Variants in KCNB2 observed in about 807,000 individuals in gnomAD.
KCNB2 encodes potassium voltage-gated channel subfamily B member 2.
In KCNB2, 15 loss-of-function variants were observed where a neutral mutation model predicts 61.5. The ratio of observed to expected loss-of-function variants is 0.24; its 90% CI spans 0.16 to 0.38. KCNB2 has a LOEUF of 0.38. KCNB2 is among the 10% of genes least tolerant of loss of function. The pLI, the probability that KCNB2 is intolerant of heterozygous loss-of-function variation, is 1.00. For synonymous variants in KCNB2, 457 were observed against 446.0 expected, an observed-to-expected ratio of 1.02 and a Z score of -0.31; for missense variants, 828 against 1,125.2, an observed-to-expected ratio of 0.74 and a Z score of 3.78.
intron 2 of KCNB2, among the ~76,000 whole-genome samples, chr8:72,601,732 C>CT (rs1370519993): frequency 6.6e-6 from 1 of 152,148 alleles, no homozygotes; most frequent in Non-Finnish European, 1.5e-5. Flanking sequence ...TAAGTCTAAA[C>CT]TCTTGAAATA....
At chr8:72,615,405 C>T (rs753304958) in intron 2 of KCNB2, among the ~76,000 whole-genome samples, 14 of 152,174 alleles carry the variant, frequency 9.2e-5, no homozygotes, top group Non-Finnish European at 1.5e-4. Flanking sequence ...TGCCTTTAAT[C>T]CTCTGTAGTT....
At chr8:72,772,367 C>T (rs185401489) in intron 2 of KCNB2, among the ~76,000 whole-genome samples, 1 of 152,336 alleles carries the variant, frequency 6.6e-6, no homozygotes, top group Admixed American at 6.5e-5. Context: ...AGCATCCAGT[C>T]ATGACAATCA....
chr8:72,911,567 T>C (rs995363127), intron 2 of KCNB2, among the ~76,000 whole-genome samples: 1 of 152,248 alleles, frequency 6.6e-6, no homozygotes, highest in African/African-American at 2.4e-5. Context: ...GGTCCCATTA[T>C]GGCCTTCAAA....
At chr8:72,916,541 C>T (rs1418013324) in intron 2 of KCNB2, among the ~76,000 whole-genome samples, 2 of 152,198 alleles carry the variant, frequency 1.3e-5, no homozygotes, top group Admixed American at 6.5e-5. Flanking sequence ...TGCTACAGTG[C>T]TGTTTTAACT....
intron 2 of KCNB2, among the ~76,000 whole-genome samples, chr8:72,773,915 A>G (rs1808605340): frequency 6.6e-6 from 1 of 151,276 alleles, no homozygotes; most frequent in African/African-American, 2.5e-5. Context: ...TCAAGAACCT[A>G]GAGTGAAAGT....
intron 2 of KCNB2, among the ~76,000 whole-genome samples, chr8:72,918,666 T>A (rs1806446783): frequency 6.6e-6 from 1 of 152,196 alleles, no homozygotes; most frequent in African/African-American, 2.4e-5. Flanking sequence ...ATATAAATGA[T>A]TCAAAAGCAT....
At chr8:72,674,849 A>G (rs1278924122) in intron 2 of KCNB2, among the ~76,000 whole-genome samples, 2 of 152,176 alleles carry the variant, frequency 1.3e-5, no homozygotes, top group African/African-American at 4.8e-5. Flanking sequence ...AGAAAAGTTT[A>G]TTTCTTGCTA....
intron 2 of KCNB2, among the ~76,000 whole-genome samples, chr8:72,568,982 A>T (rs1054389490): frequency 1.3e-5 from 2 of 152,112 alleles, no homozygotes; most frequent in East Asian, 1.9e-4. Context: ...TATTTGCTTA[A>T]AATGAAGGTA....
At chr8:72,581,387 C>T (rs550115788) in intron 2 of KCNB2, among the ~76,000 whole-genome samples, 9 of 152,314 alleles carry the variant, frequency 5.9e-5, no homozygotes, top group African/African-American at 2.2e-4. Context: ...TGTTCAACTG[C>T]TCAGCTAGGT....
chr8:72,895,213 A>T (rs1805971726), intron 2 of KCNB2, among the ~76,000 whole-genome samples: 1 of 152,196 alleles, frequency 6.6e-6, no homozygotes, highest in Non-Finnish European at 1.5e-5. Flanking sequence ...TATGATTGTG[A>T]AGGGAATTAA....
intron 2 of KCNB2, among the ~76,000 whole-genome samples, chr8:72,583,506 T>C (rs766251987): frequency 9.2e-5 from 14 of 152,148 alleles, no homozygotes; most frequent in Admixed American, 2.0e-4. Flanking sequence ...TATTTTCAGT[T>C]CTGCTGTTAA....
intron 2 of KCNB2, among the ~76,000 whole-genome samples, chr8:72,861,635 G>A (rs12543139): frequency 1.3e-5 from 2 of 152,308 alleles, no homozygotes; most frequent in South Asian, 4.1e-4. Flanking sequence ...CGCTCACCCA[G>A]CCTGCCTGCA....
chr8:72,580,642 C>A (rs1806876775), intron 2 of KCNB2, among the ~76,000 whole-genome samples: 1 of 152,186 alleles, frequency 6.6e-6, no homozygotes, highest in South Asian at 2.1e-4. Context: ...ATCCTATTTA[C>A]AACCATGGAG....
rs571203153 is a variant in KCNB2 at position 72,840,331 on chromosome 8, T to G, written c.580-95604T>G. ...ATCATTGATAGGTATTTGGATTGGT[T>G]CCAAGTCTTTGCTATTGTGAATAGT... is the stretch of plus-strand genomic sequence containing the variant. On this transcript the variant is annotated intron_variant, in intron 2 of 2. Coordinates refer to ENST00000523207, the MANE Select transcript of KCNB2 (RefSeq NM_004770.3). 7.2e-5 allele frequency among the ~76,000 whole-genome samples: 11 copies of G among 152,326 alleles called. No homozygotes were observed. In the South Asian group the frequency reaches 2.3e-3, roughly 32 times the overall value.
At chr8:72,681,646 C>T (rs181084515) in intron 2 of KCNB2, among the ~76,000 whole-genome samples, 35 of 152,204 alleles carry the variant, frequency 2.3e-4, no homozygotes, top group Admixed American at 2.1e-3. Context: ...ATACATAAAC[C>T]GGTAACATAG....
intron 2 of KCNB2, among the ~76,000 whole-genome samples, chr8:72,588,277 G>GGCGT (rs1399073279): frequency 6.9e-6 from 1 of 144,674 alleles, no homozygotes; most frequent in Non-Finnish European, 1.5e-5. Flanking sequence ...GGAGTGCAAT[G>GGCGT]GCGTGATCTT....
chr8:72,558,684 G>A (rs1806465074), intron 1 of KCNB2, among the ~76,000 whole-genome samples: 1 of 152,150 alleles, frequency 6.6e-6, no homozygotes, highest in South Asian at 2.1e-4. Context: ...GCACAATGAT[G>A]AATAAGATCA....
At chr8:72,898,649 T>C (rs1007558538) in intron 2 of KCNB2, among the ~76,000 whole-genome samples, 9 of 152,138 alleles carry the variant, frequency 5.9e-5, no homozygotes, top group African/African-American at 2.2e-4. Context: ...CCTAGAAATG[T>C]ACTTTTTTAT....
intron 2 of KCNB2, among the ~76,000 whole-genome samples, chr8:72,921,588 A>G (rs1184993052): frequency 1.3e-5 from 2 of 152,296 alleles, no homozygotes; most frequent in East Asian, 3.9e-4. Context: ...TTGGTTTTTA[A>G]ATTTCCTAAC....
Sources: gnomAD v4.1 joint callset for allele counts (sites outside exome capture counted in the v4.1 genomes callset) on GRCh38, gnomAD v4.1.1 for gene constraint, MANE v1.5 for transcripts, NCBI Gene and HGNC (gene_info 2026-07-23, HGNC 2026-07-21) for gene names.